The following RANBP3 variants were observed in gnomAD, a reference collection of about 807,000 sequenced individuals.
The protein encoded by RANBP3 is ran-binding protein 3.
RANBP3 carries 14 observed loss-of-function variants against 77.3 expected under a neutral mutation model. The observed-to-expected ratio is 0.18, with a 90% confidence interval of 0.12 to 0.28. The LOEUF (loss-of-function observed/expected upper bound fraction) is 0.28, where lower values mean the gene tolerates loss of function less well. RANBP3 is among the 10% of genes least tolerant of loss of function. The probability of loss-of-function intolerance (pLI) is 1.00; values close to 1 mark genes in which losing one functional copy is unlikely to be tolerated. For synonymous variants in RANBP3, 315 were observed against 312.4 expected (o/e 1.01, Z -0.09); for missense variants, 586 against 752.3 (o/e 0.78, Z 2.59).
intron 9 of RANBP3, 141 bp from the exon 10 acceptor site, chr19:5,925,878 C>T (rs574571855): frequency 1.4e-4 from 93 of 664,970 alleles, no homozygotes; most frequent in African/African-American, 1.4e-3. Context: ...TGTGTGTGCG[C>T]GTGCATGTGC....
rs558940169 is a variant in RANBP3, at chr19:5,925,614, G to A, written c.917+20C>T. The A allele has an allele frequency of 1.1e-5, 18 of 1,608,804 alleles. No individual in the cohort carries two copies. The East Asian group carries it at 3.8e-4, about 34-fold the overall frequency. The stretch of plus-strand genomic sequence containing the variant: ...CCTGCATCGCCATGCCAGGCTGGCC[G>A]CTGACACCGAGACACACACCTGGAA... On this transcript the variant is annotated intron_variant, in intron 10 of 16. Coordinates refer to ENST00000340578, the MANE Select transcript of RANBP3 (RefSeq NM_007322.3).
chr19:5,917,733 T>A (rs1215796634), intron 16 of RANBP3, 61 bp downstream of exon 16: 28 of 1,587,880 alleles, frequency 1.8e-5, no homozygotes, highest in Non-Finnish European at 2.1e-5. Context: ...AGATCAGCAC[T>A]GGATCAAGGA....
chr19:5,917,881 C>T lies in RANBP3; in HGVS notation c.1573G>A (p.Ala525Thr), dbSNP rs759825657. 1.9e-5 allele frequency: 30 copies of T among 1,612,790 alleles called. No individual in the cohort carries two copies. The highest frequency in any genetic ancestry group is 4.0e-5 in the African/African-American group (3 of 75,058). The part of the protein sequence containing the change: ...VEQEQEAKMP[A>T]PEPGAAPSNE... ...GATGGGGCTGCCCCAGGCTCAGGCGCGGGCATCTTGGCCTCCTGCTCCTGC... is the reference window on the plus strand; with the variant it reads ...GATGGGGCTGCCCCAGGCTCAGGCGTGGGCATCTTGGCCTCCTGCTCCTGC... The change falls in exon 16 of 17, where the codon GCG becomes ACG. Residue 525 changes from alanine (A) to threonine (T), a missense_variant. This residue lies in a region of RANBP3 where 128 missense variants were observed against 157.0 expected (regional missense o/e 0.82). Transcript: ENST00000340578.
chr19:5,957,291 A>G (rs377008906), intron 2 of RANBP3, among the ~76,000 whole-genome samples: 5 of 152,314 alleles, frequency 3.3e-5, no homozygotes, highest in East Asian at 1.9e-4. Flanking sequence ...TTGCCACACC[A>G]ATCAGACCTT....
chr19:5,949,788 T>C lies in RANBP3; in HGVS notation c.282+1605A>G, dbSNP rs576749375. On this transcript the variant is annotated intron_variant, in intron 3 of 16. Transcript: ENST00000340578. ...TGGCCAGGCCAAAGAGATGAACATG[T>C]GGACGAGGTGAGGCCCCTCCAGACA... Among the ~76,000 whole-genome samples, 4 of 152,282 alleles carry C rather than the reference T, an allele frequency of 2.6e-5. No individual in the cohort carries two copies. The East Asian group carries it at 7.7e-4, about 29-fold the overall frequency.
chr19:5,960,068 T>C (rs1174656310), intron 1 of RANBP3, among the ~76,000 whole-genome samples: 1 of 152,098 alleles, frequency 6.6e-6, no homozygotes, highest in Non-Finnish European at 1.5e-5. Context: ...TGCTGGTGAA[T>C]GACCCTGAGG....
At position 5,952,615 on chromosome 19, in the gene RANBP3, C is replaced by T. The variant is rs560106584; in HGVS notation, c.79-1019G>A. On this transcript the variant is annotated intron_variant, in intron 2 of 16. Coordinates refer to ENST00000340578, the MANE Select transcript of RANBP3 (RefSeq NM_007322.3). This position sits in a 1 kb window ranked among gnomAD's most constrained non-coding sequence, Gnocchi z 4.1. The stretch of plus-strand genomic sequence containing the variant: ...GACCTACATGACTACAGGGCTGCCC[C>T]GTCTCCCCGTGGACGTGGCTGTGCT... Among the ~76,000 whole-genome samples, 11 of 152,326 alleles carry T rather than the reference C, an allele frequency of 7.2e-5. No individual in the cohort carries two copies. The highest frequency in any genetic ancestry group is 2.6e-4 in the African/African-American group (11 of 41,576).
At chr19:5,923,098 G>T in intron 13 of RANBP3, 96 bp downstream of exon 13, 1 of 978,792 alleles carries the variant, frequency 1.0e-6, no homozygotes, top group Non-Finnish European at 1.6e-6. Flanking sequence ...CTCAGGGGCA[G>T]GCCTGTGTGC....
At position 5,917,085 on chromosome 19, in the gene RANBP3, C is replaced by T. The variant is rs574461368; in HGVS notation, c.*525G>A. The stretch of plus-strand genomic sequence containing the variant: ...AGTGGGAAATGAAGATAGTAGTTAA[C>T]AGCACGTCCAATGGGCCCAGTGTCT... On this transcript the variant is annotated 3_prime_UTR_variant, in exon 17 of 17. Transcript: ENST00000340578. 7 of 162,778 alleles carry T rather than the reference C, an allele frequency of 4.3e-5. No individual in the cohort carries two copies. Among genetic ancestry groups the T allele is most frequent in the Non-Finnish European group, 8.1e-5 (6 of 73,630 alleles). The allele number at this position is 162,778 out of a possible 1,614,324, so 10.1% of individuals were successfully genotyped here.
In RANBP3 at chr19:5,921,510, A is replaced by G. The variant is rs2057819404; in HGVS notation, c.1210-189T>C. On this transcript the variant is annotated intron_variant, in intron 13 of 16. Transcript: ENST00000340578. The surrounding 1 kb of genome is among the most constrained non-coding windows in gnomAD (Gnocchi z 5.3). ...CTTTACATTGTATAAGGGGTATCTG[A>G]AATTAAAAGAATCACTAAGGAAATG... is the stretch of plus-strand genomic sequence containing the variant. Among the ~76,000 whole-genome samples, 1 of 152,164 alleles carries G rather than the reference A, an allele frequency of 6.6e-6. No homozygotes were observed. Among genetic ancestry groups the G allele is most frequent in the Non-Finnish European group, 1.5e-5 (1 of 68,006 alleles).
chr19:5,932,634 G>C (rs915757305), intron 6 of RANBP3, 90 bp from the exon 7 acceptor site: 1 of 1,002,474 alleles, frequency 1.0e-6, no homozygotes, highest in Non-Finnish European at 1.5e-6. Context: ...CCCATTTCAT[G>C]CCCCTTGCAG....
At chr19:5,957,569 C>A (rs965904500) in intron 2 of RANBP3, among the ~76,000 whole-genome samples, 1 of 150,246 alleles carries the variant, frequency 6.7e-6, no homozygotes, top group Admixed American at 6.6e-5. Context: ...CCCACCTTCC[C>A]TCCTCCCTTT....
rs1383710683 is a variant in RANBP3 at position 5,951,589 on chromosome 19, G to A, written c.86C>T (p.Ala29Val). 1 of 1,613,498 alleles carries A rather than the reference G, an allele frequency of 6.2e-7. No individual in the cohort carries two copies. ...CGAATCCGACAAGTTTTTTTGCTCT[G>A]CAGGGGACTGGGAGCAAAAAAGACA... ...FQKDKGQKSPAEQKNLSDSGE... is the reference protein window; with the variant it reads ...FQKDKGQKSPVEQKNLSDSGE... The change falls in exon 3 of 17, where the codon GCA (alanine) becomes GTA (valine). Residue 29 changes from alanine to valine, a missense_variant. This residue lies in a region of RANBP3 where 172 missense variants were observed against 183.4 expected (regional missense o/e 0.94). Transcript: ENST00000340578.
intron 13 of RANBP3, among the ~76,000 whole-genome samples, chr19:5,922,756 A>T (rs1302270981): frequency 2.0e-5 from 3 of 152,194 alleles, no homozygotes; most frequent in Non-Finnish European, 2.9e-5. Flanking sequence ...CCTGGCCAAC[A>T]TGGGGAAACC....
intron 2 of RANBP3, 83 bp from the exon 3 acceptor site, chr19:5,951,679 T>A: frequency 7.7e-7 from 1 of 1,301,214 alleles, no homozygotes; most frequent in Non-Finnish European, 1.1e-6. Context: ...GGTCAGAGGC[T>A]GGAGCTGGCT....
chr19:5,939,484 C>A (rs138097280), intron 5 of RANBP3, among the ~76,000 whole-genome samples: 2 of 152,344 alleles, frequency 1.3e-5, no homozygotes, highest in South Asian at 4.1e-4. Flanking sequence ...CCAGGCCGGG[C>A]GGGAAGGCAG....
intron 1 of RANBP3, among the ~76,000 whole-genome samples, chr19:5,966,127 G>A (rs1182222543): frequency 1.3e-5 from 2 of 152,188 alleles, no homozygotes; most frequent in African/African-American, 4.8e-5. Flanking sequence ...TTCTGTGCAG[G>A]TAGGCCTCAG....
At chr19:5,926,475 C>T (rs903133415) in intron 9 of RANBP3, among the ~76,000 whole-genome samples, 3 of 152,082 alleles carry the variant, frequency 2.0e-5, no homozygotes, top group African/African-American at 7.2e-5. Flanking sequence ...CGCTTGAACC[C>T]AGGAGGTGGA....
At chr19:5,919,611 C>G (rs1347295811) in intron 14 of RANBP3, among the ~76,000 whole-genome samples, 1 of 152,148 alleles carries the variant, frequency 6.6e-6, no homozygotes, top group East Asian at 1.9e-4. Context: ...AAGAAGACGT[C>G]CATAAGGCTG....
Sources: gnomAD v4.1 joint callset for allele counts (sites outside exome capture counted in the v4.1 genomes callset) on GRCh38, gnomAD v4.1.1 for gene constraint, gnomAD v4.1.1 regional missense constraint, Gnocchi (gnomAD v3.1) non-coding constraint, MANE v1.5 for transcripts, NCBI Gene and HGNC (gene_info 2026-07-23, HGNC 2026-07-21) for gene names.